The following NDST4 variants were observed in gnomAD, a reference collection of about 807,000 sequenced individuals.
The protein encoded by NDST4 is N-deacetylase and N-sulfotransferase 4, also known as N-heparan sulfate sulfotransferase 4.
NDST4 carries 63 observed loss-of-function variants against 100.8 expected under a neutral mutation model. The ratio of observed to expected loss-of-function variants is 0.62; its 90% CI spans 0.51 to 0.77. The LOEUF is 0.77. Ranked by LOEUF, NDST4 falls within the 30% of genes least tolerant of loss-of-function variation. The probability of loss-of-function intolerance (pLI) is 0.00; values close to 1 mark genes in which losing one functional copy is unlikely to be tolerated. For missense variants in NDST4, 943 were observed against 1,018.4 expected (o/e 0.93, Z 1.01); for synonymous variants, 377 against 361.8 (o/e 1.04, Z -0.48).
At chr4:115,062,984 C>A (rs1251530350) in intron 2 of NDST4, among the ~76,000 whole-genome samples, 1 of 151,790 alleles carries the variant, frequency 6.6e-6, no homozygotes, top group East Asian at 1.9e-4. Context: ...GGGTTGCTTT[C>A]TTATGTGATA....
chr4:115,077,742 A>G (rs1330976909), intron 1 of NDST4, among the ~76,000 whole-genome samples: 1 of 152,160 alleles, frequency 6.6e-6, no homozygotes, highest in East Asian at 1.9e-4. Flanking sequence ...CCAGCTGACT[A>G]AATAAATCTG....
At chr4:114,988,668 G>C (rs1837801) in intron 2 of NDST4, among the ~76,000 whole-genome samples, 5 of 151,904 alleles carry the variant, frequency 3.3e-5, no homozygotes, top group Non-Finnish European at 7.4e-5. Context: ...GCCTACATAC[G>C]TCTTTAAATG....
chr4:114,928,612 T>C (rs1017433787), intron 6 of NDST4, among the ~76,000 whole-genome samples: 1 of 152,084 alleles, frequency 6.6e-6, no homozygotes, highest in Non-Finnish European at 1.5e-5. Flanking sequence ...GGTCAGACCT[T>C]ATTTTGGGTG....
chr4:114,846,081 A>G (rs1723544402), intron 9 of NDST4, 84 bp from the exon 10 acceptor site: 1 of 950,656 alleles, frequency 1.1e-6, no homozygotes, highest in Non-Finnish European at 1.6e-6. Flanking sequence ...GAACATTTTA[A>G]TATTCATTTA....
chr4:114,961,716 A>G (rs1726267586), intron 4 of NDST4, among the ~76,000 whole-genome samples: 1 of 151,868 alleles, frequency 6.6e-6, no homozygotes. Context: ...CACACAAATA[A>G]AAGCAAGGAA....
At chr4:114,921,851 C>T (rs1054633246) in intron 6 of NDST4, among the ~76,000 whole-genome samples, 15 of 152,052 alleles carry the variant, frequency 9.9e-5, no homozygotes, top group African/African-American at 3.6e-4. Context: ...TTCCCCTTTT[C>T]CCTGCTCCCC....
At chr4:114,925,339 A>T in intron 6 of NDST4, among the ~76,000 whole-genome samples, 1 of 152,146 alleles carries the variant, frequency 6.6e-6, no homozygotes. Context: ...TTTTCTCTAA[A>T]TTACCTCATC....
chr4:114,932,749 A>G (rs1175043993), intron 6 of NDST4, among the ~76,000 whole-genome samples: 1 of 152,050 alleles, frequency 6.6e-6, no homozygotes, highest in East Asian at 1.9e-4. Flanking sequence ...CATCAAAAAA[A>G]TACTTAGGAA....
At chr4:114,840,394 A>G (rs1392546049) in intron 10 of NDST4, among the ~76,000 whole-genome samples, 1 of 152,208 alleles carries the variant, frequency 6.6e-6, no homozygotes, top group Non-Finnish European at 1.5e-5. Flanking sequence ...AAGATATAAG[A>G]CATAACCACT....
intron 2 of NDST4, among the ~76,000 whole-genome samples, chr4:115,035,187 C>T (rs1457927836): frequency 6.6e-6 from 1 of 152,026 alleles, no homozygotes; most frequent in Admixed American, 6.6e-5. Flanking sequence ...TAATGTCATC[C>T]TATTAAGTGA....
chr4:115,053,389 T>C (rs1728625650), intron 2 of NDST4, among the ~76,000 whole-genome samples: 1 of 152,142 alleles, frequency 6.6e-6, no homozygotes, highest in Non-Finnish European at 1.5e-5. Flanking sequence ...TAAGTAATTT[T>C]CTGAAACCTA....
At chr4:114,944,874 A>G (rs1725826061) in intron 4 of NDST4, among the ~76,000 whole-genome samples, 1 of 152,152 alleles carries the variant, frequency 6.6e-6, no homozygotes, top group Non-Finnish European at 1.5e-5. Flanking sequence ...TCAGGCACTG[A>G]CAGCTACTTT....
chr4:114,850,519 A>G (rs1446959837), intron 8 of NDST4, among the ~76,000 whole-genome samples: 5 of 152,208 alleles, frequency 3.3e-5, no homozygotes. Flanking sequence ...TAAATTTTTC[A>G]TCTATCCTTG....
At chr4:114,986,832 A>ATATATATATATATATT in intron 2 of NDST4, among the ~76,000 whole-genome samples, 1,055 of 94,356 alleles carry the variant, frequency 0.011, 54 homozygotes, top group East Asian at 0.019. Flanking sequence ...ATATATATAT[A>ATATATATATATATATT]TTTTAATATA....
intron 6 of NDST4, among the ~76,000 whole-genome samples, chr4:114,879,667 G>T (rs1302784735): frequency 1.4e-4 from 21 of 152,044 alleles, no homozygotes. Context: ...CACATAATAG[G>T]TATGCAAAAA....
intron 1 of NDST4, among the ~76,000 whole-genome samples, chr4:115,085,406 A>T (rs1239895411): frequency 6.6e-6 from 1 of 152,046 alleles, no homozygotes; most frequent in East Asian, 1.9e-4. Flanking sequence ...GGAAGGGTAA[A>T]ATGTGAGGAC....
chr4:115,015,474 T>C (rs1727655717), intron 2 of NDST4, among the ~76,000 whole-genome samples: 1 of 152,106 alleles, frequency 6.6e-6, no homozygotes, highest in Non-Finnish European at 1.5e-5. Context: ...AATATACTAA[T>C]TCATGGTCTG....
chr4:114,929,217 G>A (rs1388878586), intron 6 of NDST4, among the ~76,000 whole-genome samples: 1 of 151,702 alleles, frequency 6.6e-6, no homozygotes, highest in Non-Finnish European at 1.5e-5. Flanking sequence ...TAAGACATCT[G>A]ATAACTTCCG....
chr4:114,901,383 C>T (rs542330368), intron 6 of NDST4, among the ~76,000 whole-genome samples: 1 of 152,006 alleles, frequency 6.6e-6, no homozygotes, highest in South Asian at 2.1e-4. Context: ...ATTTAATGCC[C>T]CTTGTAATCC....
Sources: allele counts gnomAD v4.1 joint callset (sites outside exome capture counted in the v4.1 genomes callset), GRCh38; gene constraint gnomAD v4.1.1; transcripts MANE v1.5; gene names NCBI Gene and HGNC (gene_info 2026-07-23, HGNC 2026-07-21).